CCSER2: variants seen among roughly 807,000 people sequenced by gnomAD.
CCSER2 encodes coiled-coil serine rich protein 2.
CCSER2 carries 46 observed loss-of-function variants against 92.3 expected under a neutral mutation model. The ratio of observed to expected loss-of-function variants is 0.50; its 90% confidence interval spans 0.39 to 0.64. The LOEUF is 0.64. CCSER2 is among the 30% of genes least tolerant of loss of function. The pLI is 0.00. For synonymous variants in CCSER2, 433 were observed against 431.4 expected (o/e 1.00, Z -0.04); for missense variants, 1,244 against 1,238.9 (o/e 1.00, Z -0.06).
chr10:84,393,537 G>A (rs1841649806), intron 3 of CCSER2, among the ~76,000 whole-genome samples: 1 of 152,026 alleles, frequency 6.6e-6, no homozygotes, highest in South Asian at 2.1e-4. Context: ...GGGTTCCTAC[G>A]CTGTATTTTG....
At chr10:84,399,915 C>G (rs963376483) in intron 3 of CCSER2, among the ~76,000 whole-genome samples, 1 of 139,096 alleles carries the variant, frequency 7.2e-6, no homozygotes, top group Admixed American at 7.4e-5. Flanking sequence ...TTTTTTCTTT[C>G]TTTCTTTCTT....
At chr10:84,410,131 A>T (rs1842577410) in intron 3 of CCSER2, among the ~76,000 whole-genome samples, 1 of 152,152 alleles carries the variant, frequency 6.6e-6, no homozygotes, top group South Asian at 2.1e-4. Context: ...CACGGTGTAT[A>T]TGTACCACAG....
chr10:84,413,646 A>G (rs1030087345), intron 3 of CCSER2, among the ~76,000 whole-genome samples: 1 of 152,344 alleles, frequency 6.6e-6, no homozygotes, highest in African/African-American at 2.4e-5. Flanking sequence ...AGTCCTGTAT[A>G]TATCTATCAG....
intron 3 of CCSER2, chr10:84,393,855 A>T (rs975259869): frequency 3.9e-5 from 6 of 152,206 alleles, no homozygotes; most frequent in African/African-American, 1.4e-4. Flanking sequence ...GCTAGCATAG[A>T]TGTGGTAGTG....
intron 6 of CCSER2, among the ~76,000 whole-genome samples, chr10:84,451,274 GT>G (rs1195724382): frequency 9.2e-5 from 11 of 119,970 alleles, no homozygotes; most frequent in East Asian, 2.3e-4. Flanking sequence ...TTTGTTTTTT[GT>G]TTTTTTTTTT....
At chr10:84,447,169 C>A (rs1181294191) in intron 6 of CCSER2, among the ~76,000 whole-genome samples, 1 of 152,056 alleles carries the variant, frequency 6.6e-6, no homozygotes, top group East Asian at 1.9e-4. Flanking sequence ...CCTAGAAAAA[C>A]CAAACTGTTT....
intron 5 of CCSER2, among the ~76,000 whole-genome samples, chr10:84,434,808 A>G (rs888959330): frequency 7.2e-5 from 11 of 152,326 alleles, no homozygotes; most frequent in African/African-American, 2.6e-4. Flanking sequence ...AGATTAGGAA[A>G]TGAAGCATAG....
chr10:84,389,407 G>GAGGA (rs1841400959), intron 3 of CCSER2: 1 of 498,248 alleles, frequency 2.0e-6, no homozygotes, highest in African/African-American at 1.9e-5. Flanking sequence ...GCAGTTCCTT[G>GAGGA]AGGGCTTTGA....
At chr10:84,399,490 C>A (rs1177495858) in intron 3 of CCSER2, among the ~76,000 whole-genome samples, 2 of 152,098 alleles carry the variant, frequency 1.3e-5, no homozygotes, top group Non-Finnish European at 2.9e-5. Flanking sequence ...GAGATAGGAA[C>A]ACTGGATTAG....
chr10:84,379,918 C>G (rs564804030), intron 3 of CCSER2, among the ~76,000 whole-genome samples: 1 of 152,206 alleles, frequency 6.6e-6, no homozygotes, highest in East Asian at 1.9e-4. Context: ...TTCTTTATTG[C>G]TAATAATAAT....
intron 9 of CCSER2, among the ~76,000 whole-genome samples, chr10:84,513,057 C>T (rs1380600410): frequency 1.3e-5 from 2 of 151,854 alleles, no homozygotes; most frequent in East Asian, 3.9e-4. Flanking sequence ...AGTAGTATTC[C>T]GAAGGTCACC....
chr10:84,406,386 A>AC (rs1215939605), intron 3 of CCSER2, among the ~76,000 whole-genome samples: 2 of 151,920 alleles, frequency 1.3e-5, no homozygotes, highest in Non-Finnish European at 2.9e-5. Context: ...TATAAACTAT[A>AC]CCCCCCAAAA....
In CCSER2 at chr10:84,371,205, C is replaced by A. The variant is rs541534126; in HGVS notation, c.153C>A (p.Ile51=). 54 of 1,613,080 alleles carry A rather than the reference C, an allele frequency of 3.3e-5. No homozygotes were observed. The highest frequency in any genetic ancestry group is 1.4e-4 in the South Asian group (13 of 90,840). ...TSKNSNVKSY[I]KNNGSDCPSS... ...AGAATAGTAATGTCAAAAGTTACAT[C>A]AAAAATAATGGCTCTGATTGTCCAT... Residue 51 remains isoleucine, a synonymous_variant, in exon 2 of 10, where the codon ATC becomes ATA. Coordinates refer to ENST00000372088, the MANE Select transcript of CCSER2 (RefSeq NM_001284240.2).
intron 1 of CCSER2, among the ~76,000 whole-genome samples, chr10:84,347,260 TCATCATGGCCTGTTCTCAATGAG>T (rs1844542993): frequency 6.6e-6 from 1 of 152,224 alleles, no homozygotes; most frequent in African/African-American, 2.4e-5. Context: ...AAAACCATCG[TCATCATGGCCTGTTCTCAATGAG>T]CTGTTGGGTA....
chr10:84,463,797 T>G, intron 6 of CCSER2, 136 bp from the exon 7 acceptor site: 1 of 583,018 alleles, frequency 1.7e-6, no homozygotes, highest in Non-Finnish European at 3.0e-6. Flanking sequence ...TCTAAAATTT[T>G]GTCTCCCATT....
chr10:84,378,475 C>T (rs1160128416), intron 3 of CCSER2, among the ~76,000 whole-genome samples: 1 of 145,836 alleles, frequency 6.9e-6, no homozygotes, highest in Non-Finnish European at 1.5e-5. Context: ...GCTCTTCTCA[C>T]CCAGGCTGGA....
chr10:84,397,404 A>G (rs1388341894), intron 3 of CCSER2, among the ~76,000 whole-genome samples: 1 of 152,192 alleles, frequency 6.6e-6, no homozygotes, highest in Non-Finnish European at 1.5e-5. Flanking sequence ...CCTCAGGTTA[A>G]ATGGGCACTG....
intron 1 of CCSER2, among the ~76,000 whole-genome samples, chr10:84,343,974 C>T (rs1382924356): frequency 6.6e-6 from 1 of 152,016 alleles, no homozygotes. Flanking sequence ...CAGTTAATAC[C>T]CAGGAGAAGC....
rs561032982 is a variant in CCSER2 at position 84,390,861 on chromosome 10, A to G, written c.1614+17046A>G. On this transcript the variant is annotated intron_variant, in intron 3 of 9. Transcript: ENST00000372088. ...ACATCTTAATCTTAATCATACAGAC[A>G]CAGTATAAATATTCTAAGACCTTAA... 1.8e-5 allele frequency: 11 copies of G among 605,050 alleles called. No homozygotes were observed. In the South Asian group the frequency reaches 1.9e-4, roughly 11 times the overall value. 37.5% of individuals were successfully genotyped at this position (605,050 alleles called of 1,614,324 possible).
Sources: gnomAD v4.1 joint callset for allele counts (sites outside exome capture counted in the v4.1 genomes callset) on GRCh38, gnomAD v4.1.1 for gene constraint, MANE v1.5 for transcripts, NCBI Gene and HGNC (gene_info 2026-07-23, HGNC 2026-07-21) for gene names.